KCNMA1: variants seen among roughly 807,000 people sequenced by gnomAD.
The protein encoded by KCNMA1 is Calcium-activated potassium channel subunit alpha-1.
A neutral mutation model predicts 140.0 loss-of-function variants in KCNMA1; 29 were observed. That is an observed-to-expected ratio of 0.21 (90% CI 0.15 to 0.28). KCNMA1 has a LOEUF of 0.28. Ranked by LOEUF, KCNMA1 falls within the 10% of genes least tolerant of loss-of-function variation. The pLI, the probability that KCNMA1 is intolerant of heterozygous loss-of-function variation, is 1.00. For missense variants in KCNMA1, 880 were observed against 1,602.2 expected, an observed-to-expected ratio of 0.55 and a Z score of 7.70; for synonymous variants, 612 against 611.9, an observed-to-expected ratio of 1.00 and a Z score of 0.00.
Position 76,886,084 on chromosome 10 carries a change from T to A in KCNMA1, c.*1182A>T. 1 of 985,454 alleles carries A rather than the reference T, an allele frequency of 1.0e-6. No individual in the cohort carries two copies. Among genetic ancestry groups the A allele is most frequent in the African/African-American group, 1.7e-5 (1 of 57,362 alleles). 61.0% of individuals were successfully genotyped at this position (985,454 alleles called of 1,614,324 possible). On this transcript the variant is annotated 3_prime_UTR_variant, in exon 28 of 28. Transcript: ENST00000286628. ...TTGAAGGTGGTGGCTGGCTTTTGTC[T>A]TTGTTGAGTCAACTGTGGCTGATCC...
At chr10:77,313,601 G>A (rs2154346754) in intron 2 of KCNMA1, among the ~76,000 whole-genome samples, 1 of 152,310 alleles carries the variant, frequency 6.6e-6, no homozygotes, top group Admixed American at 6.5e-5. Flanking sequence ...AGGGAAAGCA[G>A]ATGCTAGGAT....
At chr10:77,631,161 C>T (rs1294162120) in intron 1 of KCNMA1, among the ~76,000 whole-genome samples, 2 of 151,498 alleles carry the variant, frequency 1.3e-5, no homozygotes, top group African/African-American at 4.9e-5. Flanking sequence ...AGACACTCTC[C>T]AGTCCTTGGA....
chr10:77,083,847 C>CGG (rs902928202), intron 12 of KCNMA1, among the ~76,000 whole-genome samples: 36 of 122,318 alleles, frequency 2.9e-4, no homozygotes, highest in African/African-American at 1.1e-3. Context: ...TGAAAAAAAA[C>CGG]GGGGGGGGGT....
At chr10:76,892,807 A>G (rs1041404887) in intron 25 of KCNMA1, among the ~76,000 whole-genome samples, 1 of 152,212 alleles carries the variant, frequency 6.6e-6, no homozygotes, top group Non-Finnish European at 1.5e-5. Context: ...AGTGGTCATT[A>G]AAACCAAATT....
chr10:76,918,562 C>T (rs1907728), intron 23 of KCNMA1, among the ~76,000 whole-genome samples: 130,148 of 152,120 alleles, frequency 0.86, 55,803 homozygotes, highest in Middle Eastern at 0.93. Context: ...CCTGCAAGAA[C>T]GGCCATAATC....
intron 2 of KCNMA1, among the ~76,000 whole-genome samples, chr10:77,393,640 A>G (rs2095922907): frequency 6.6e-6 from 1 of 152,220 alleles, no homozygotes; most frequent in Admixed American, 6.5e-5. Flanking sequence ...CACACACAGC[A>G]GCTCCTTCCC....
chr10:77,244,706 A>T (rs1166924434), intron 3 of KCNMA1, among the ~76,000 whole-genome samples: 1 of 152,176 alleles, frequency 6.6e-6, no homozygotes, highest in Admixed American at 6.5e-5. Flanking sequence ...TTCCTGAACA[A>T]ATGGCAATAT....
intron 2 of KCNMA1, among the ~76,000 whole-genome samples, chr10:77,370,645 T>C (rs1242297745): frequency 1.3e-5 from 2 of 152,204 alleles, no homozygotes; most frequent in Admixed American, 6.5e-5. Context: ...AAGCAAACCC[T>C]GAAGAAGTTT....
chr10:77,010,409 G>C (rs2090416944), intron 18 of KCNMA1, among the ~76,000 whole-genome samples: 1 of 151,676 alleles, frequency 6.6e-6, no homozygotes, highest in Non-Finnish European at 1.5e-5. Context: ...GTTCATTCTA[G>C]GCCTTGTTCT....
intron 3 of KCNMA1, among the ~76,000 whole-genome samples, chr10:77,196,824 AT>A (rs1310666309): frequency 6.6e-6 from 1 of 152,158 alleles, no homozygotes; most frequent in African/African-American, 2.4e-5. Context: ...CTCGCCTTTC[AT>A]TTTTCTCAGC....
At chr10:77,604,660 C>A (rs181495653) in intron 1 of KCNMA1, among the ~76,000 whole-genome samples, 6 of 152,172 alleles carry the variant, frequency 3.9e-5, no homozygotes, top group African/African-American at 1.4e-4. Flanking sequence ...GCACTCCAGC[C>A]TGCACAACAG....
At chr10:76,877,608 CTACTT>C (rs1364189509), downstream of KCNMA1, 1 of 769,130 alleles carries the variant, frequency 1.3e-6, no homozygotes, top group African/African-American at 1.8e-5. Flanking sequence ...AAAGATCTGT[CTACTT>C]TATTTTCTGG....
chr10:76,901,904 A>G (rs910096950), intron 25 of KCNMA1: 1 of 152,260 alleles, frequency 6.6e-6, no homozygotes, highest in Non-Finnish European at 1.5e-5. Flanking sequence ...TGATACCCCA[A>G]TATTCGGATG....
chr10:77,601,783 A>C (rs182371425), intron 1 of KCNMA1, among the ~76,000 whole-genome samples: 7 of 152,290 alleles, frequency 4.6e-5, no homozygotes, highest in Admixed American at 4.6e-4. Flanking sequence ...CATGGACTTC[A>C]AGGCAACCTC....
chr10:77,542,571 AG>A (rs2060431088), intron 1 of KCNMA1, among the ~76,000 whole-genome samples: 2 of 152,242 alleles, frequency 1.3e-5, no homozygotes, highest in South Asian at 4.1e-4. Context: ...TGTTGAGCCT[AG>A]GAAATTGTAT....
chr10:77,518,967 T>C (rs753653550), intron 1 of KCNMA1, among the ~76,000 whole-genome samples: 1 of 152,218 alleles, frequency 6.6e-6, no homozygotes, highest in Non-Finnish European at 1.5e-5. Context: ...AAGTTAATCA[T>C]GGAAAATGCT....
At chr10:77,396,009 A>G (rs564609253) in intron 2 of KCNMA1, among the ~76,000 whole-genome samples, 1 of 152,216 alleles carries the variant, frequency 6.6e-6, no homozygotes, top group Non-Finnish European at 1.5e-5. Context: ...TGATACCCAT[A>G]ATGTGATTTC....
At chr10:77,418,632 C>T (rs1253179360) in intron 1 of KCNMA1, among the ~76,000 whole-genome samples, 1 of 152,114 alleles carries the variant, frequency 6.6e-6, no homozygotes, top group African/African-American at 2.4e-5. Context: ...GTGGCTGGTC[C>T]AGCCCTACGA....
chr10:77,296,578 C>T (rs543391857), intron 2 of KCNMA1, among the ~76,000 whole-genome samples: 1 of 152,198 alleles, frequency 6.6e-6, no homozygotes, highest in Admixed American at 6.5e-5. Flanking sequence ...GCTCATCACC[C>T]TTGATTGATC....
Sources: allele counts gnomAD v4.1 joint callset (sites outside exome capture counted in the v4.1 genomes callset), GRCh38; gene constraint gnomAD v4.1.1; transcripts MANE v1.5; gene names NCBI Gene and HGNC (gene_info 2026-07-23, HGNC 2026-07-21).